Variants in ZPBP observed in about 807,000 individuals in gnomAD.
ZPBP encodes the protein zona pellucida-binding protein 1.
ZPBP carries 26 observed loss-of-function variants against 44.8 expected under a neutral mutation model. The ratio of observed to expected loss-of-function variants is 0.58; its 90% CI spans 0.43 to 0.81. The LOEUF (loss-of-function observed/expected upper bound fraction) is 0.81. Ranked by LOEUF, ZPBP falls within the 30% of genes least tolerant of loss-of-function variation. ZPBP has a pLI of 0.00. For missense variants in ZPBP, 409 were observed against 434.0 expected, an observed-to-expected ratio of 0.94 and a Z score of 0.51; for synonymous variants, 174 against 153.2, an observed-to-expected ratio of 1.14 and a Z score of -1.00.
Position 50,031,188 on chromosome 7 carries a change from C to A in ZPBP, c.610G>T (p.Asp204Tyr). The A allele has an allele frequency of 6.2e-7, 1 of 1,613,576 alleles. No homozygotes were observed. The highest frequency in any genetic ancestry group is 1.1e-5 in the South Asian group (1 of 91,060). The change falls in exon 5 of 8, where the codon GAC becomes TAC. Residue 204 changes from aspartate (D) to tyrosine (Y), a missense_variant. This residue lies in a region of ZPBP where 367 missense variants were observed against 363.1 expected (regional missense o/e 1.01). Coordinates refer to ENST00000046087, the MANE Select transcript of ZPBP (RefSeq NM_007009.3). The part of the protein sequence containing the change: ...LLQILSKLLL[D>Y]LSCEISLLKS... ...AGTAAGGAAATTTCACATGAAAGGTCAAGAAGCAGTTTGCTTAAAATCTGA... is the reference window on the plus strand; with the variant it reads ...AGTAAGGAAATTTCACATGAAAGGTAAAGAAGCAGTTTGCTTAAAATCTGA...
intron 2 of ZPBP, among the ~76,000 whole-genome samples, chr7:49,865,809 A>G (rs1790860676): frequency 6.6e-6 from 1 of 152,156 alleles, no homozygotes; most frequent in Admixed American, 6.5e-5. Context: ...ACCTTATCCC[A>G]GCACCCAGAA....
intron 2 of ZPBP, among the ~76,000 whole-genome samples, chr7:49,872,941 A>G (rs1791239096): frequency 1.4e-5 from 2 of 146,862 alleles, no homozygotes; most frequent in Admixed American, 6.8e-5. Flanking sequence ...AAAAAAAGAA[A>G]GAAAAAAATA....
intron 4 of ZPBP, among the ~76,000 whole-genome samples, chr7:50,041,088 T>C (rs1402272861): frequency 6.6e-6 from 1 of 152,190 alleles, no homozygotes; most frequent in Non-Finnish European, 1.5e-5. Flanking sequence ...AAAGCCGCTA[T>C]AGCCAGAGTG....
At chr7:50,085,018 G>A (rs1325301139) in intron 2 of ZPBP, among the ~76,000 whole-genome samples, 1 of 152,036 alleles carries the variant, frequency 6.6e-6, no homozygotes, top group African/African-American at 2.4e-5. Flanking sequence ...ATATGTTGAA[G>A]TCCTAATCTC....
At position 49,972,016 on chromosome 7, in the gene ZPBP, GA is replaced by G. The variant is rs139256880; in HGVS notation, c.961+11325del. The stretch of plus-strand genomic sequence containing the variant: ...CTACAAGCTCATGTCAATTGATGCA[GA>G]AAAACCACTTGTCCAATGTCAACCC... On this transcript the variant is annotated intron_variant, in intron 7 of 7. Transcript: ENST00000046087. 8.1e-4 allele frequency among the ~76,000 whole-genome samples: 123 copies of G among 152,040 alleles called. 1 individual carries two copies. In the East Asian group the frequency reaches 0.02, roughly 25 times the overall value.
intron 6 of ZPBP, among the ~76,000 whole-genome samples, chr7:50,003,788 C>T (rs1798191050): frequency 6.6e-6 from 1 of 151,646 alleles, no homozygotes; most frequent in Admixed American, 6.6e-5. Context: ...ACTCAAATTT[C>T]AACAAATGTT....
At chr7:50,089,014 T>G (rs1183669631) in intron 2 of ZPBP, among the ~76,000 whole-genome samples, 2 of 151,996 alleles carry the variant, frequency 1.3e-5, no homozygotes, top group Non-Finnish European at 1.5e-5. Flanking sequence ...ATGACTCCAT[T>G]TATATGAAAT....
chr7:49,968,501 A>G (rs1457569851), intron 7 of ZPBP, among the ~76,000 whole-genome samples: 1 of 152,068 alleles, frequency 6.6e-6, no homozygotes, highest in African/African-American at 2.4e-5. Flanking sequence ...ACATCAAAAG[A>G]TATCAAGACA....
At chr7:50,067,027 A>G (rs755960310) in intron 3 of ZPBP, among the ~76,000 whole-genome samples, 17 of 152,208 alleles carry the variant, frequency 1.1e-4, no homozygotes, top group Non-Finnish European at 2.4e-4. Flanking sequence ...TATGGGGCCT[A>G]TCTTATATGG....
intron 7 of ZPBP, among the ~76,000 whole-genome samples, chr7:49,968,289 T>C (rs1395451765): frequency 1.3e-5 from 2 of 152,010 alleles, no homozygotes; most frequent in African/African-American, 4.8e-5. Flanking sequence ...AGGACAGATA[T>C]ATTAGGTTCA....
intron 2 of ZPBP, among the ~76,000 whole-genome samples, chr7:50,087,673 A>G (rs1802736048): frequency 6.6e-6 from 1 of 152,062 alleles, no homozygotes; most frequent in Admixed American, 6.5e-5. Context: ...CCATTCATTT[A>G]CAATAGCATT....
intron 6 of ZPBP, among the ~76,000 whole-genome samples, chr7:49,997,884 T>C (rs887484238): frequency 1.3e-5 from 2 of 151,188 alleles, no homozygotes; most frequent in African/African-American, 4.9e-5. Context: ...AGGATCCCAT[T>C]CTTTCTCAAT....
intron 7 of ZPBP, among the ~76,000 whole-genome samples, chr7:49,981,467 A>G (rs1796926461): frequency 1.3e-5 from 1 of 76,216 alleles, no homozygotes; most frequent in Non-Finnish European, 2.3e-5. Flanking sequence ...AATAATATAT[A>G]TAATTATATA....
At chr7:49,898,270 T>C (rs1467570232) in intron 2 of ZPBP, among the ~76,000 whole-genome samples, 1 of 152,104 alleles carries the variant, frequency 6.6e-6, no homozygotes, top group Non-Finnish European at 1.5e-5. Flanking sequence ...GTTGCTGTTA[T>C]TATGAACTGT....
intron 2 of ZPBP, among the ~76,000 whole-genome samples, chr7:49,896,196 T>C (rs972777201): frequency 6.6e-6 from 1 of 151,936 alleles, no homozygotes; most frequent in African/African-American, 2.4e-5. Flanking sequence ...CAAAAATTAG[T>C]CAGGTTTGGT....
At chr7:49,843,711 G>A in the ZPBP span, among the ~76,000 whole-genome samples, 1 of 152,208 alleles carries the variant, frequency 6.6e-6, no homozygotes, top group Non-Finnish European at 1.5e-5. Flanking sequence ...AGGTCTATTA[G>A]AGACAAGGTC....
At chr7:49,867,788 C>T (rs1321542761) in intron 2 of ZPBP, among the ~76,000 whole-genome samples, 2 of 151,922 alleles carry the variant, frequency 1.3e-5, no homozygotes, top group African/African-American at 4.8e-5. Context: ...CCTACAGCAG[C>T]CTTTTATTTA....
At chr7:50,091,345 C>T (rs781582362) in intron 1 of ZPBP, among the ~76,000 whole-genome samples, 2 of 152,100 alleles carry the variant, frequency 1.3e-5, no homozygotes, top group Non-Finnish European at 2.9e-5. Context: ...TTAAGTCCGA[C>T]ATATTTGTCC....
intron 4 of ZPBP, among the ~76,000 whole-genome samples, chr7:50,034,379 A>G (rs1799736655): frequency 6.6e-6 from 1 of 152,182 alleles, no homozygotes; most frequent in Admixed American, 6.5e-5. Context: ...CTTTGGAGAA[A>G]TCACTACAAC....
Sources: allele counts gnomAD v4.1 joint callset (sites outside exome capture counted in the v4.1 genomes callset), GRCh38; gene constraint gnomAD v4.1.1; regional missense constraint gnomAD v4.1.1; transcripts MANE v1.5; gene names NCBI Gene and HGNC (gene_info 2026-07-23, HGNC 2026-07-21).